The following ADAM12 variants were observed in gnomAD, a reference collection of about 807,000 sequenced individuals.
ADAM12 encodes ADAM metallopeptidase domain 12, also known as disintegrin and metalloproteinase domain-containing protein 12.
ADAM12 carries 70 observed loss-of-function variants against 106.4 expected under a neutral mutation model. The observed-to-expected ratio is 0.66, with a 90% CI of 0.54 to 0.80. The LOEUF (loss-of-function observed/expected upper bound fraction) is 0.80. ADAM12 is among the 30% of genes least tolerant of loss of function. ADAM12 has a pLI of 0.00. For missense variants in ADAM12, 1,010 were observed against 1,171.9 expected, an observed-to-expected ratio of 0.86 and a Z score of 2.02; for synonymous variants, 420 against 433.5, an observed-to-expected ratio of 0.97 and a Z score of 0.39.
intron 3 of ADAM12, among the ~76,000 whole-genome samples, chr10:126,238,243 G>A (rs140476916): frequency 6.6e-6 from 1 of 152,340 alleles, no homozygotes; most frequent in East Asian, 1.9e-4. Flanking sequence ...ACATTGTGAG[G>A]CCAAGGCAGG....
At chr10:126,083,524 G>C (rs1955273426) in intron 11 of ADAM12, among the ~76,000 whole-genome samples, 1 of 152,122 alleles carries the variant, frequency 6.6e-6, no homozygotes, top group Non-Finnish European at 1.5e-5. Flanking sequence ...GACGTAAACA[G>C]AAGGAACACC....
chr10:126,367,324 T>C (rs899458093), intron 1 of ADAM12, among the ~76,000 whole-genome samples: 2 of 151,926 alleles, frequency 1.3e-5, no homozygotes, highest in African/African-American at 2.4e-5. Flanking sequence ...CCACGAGTCA[T>C]AGAAAAAAAT....
chr10:126,199,305 T>C (rs1957654151), intron 3 of ADAM12, among the ~76,000 whole-genome samples: 1 of 152,154 alleles, frequency 6.6e-6, no homozygotes, highest in Non-Finnish European at 1.5e-5. Context: ...CTAATCACCA[T>C]CGAGATCAGC....
In ADAM12 at chr10:126,064,757, C is replaced by T; in HGVS notation, c.1609+49G>A. ...AGCACATGCCCCCAGTCCCACAGCC[C>T]AGGTCTGCCAGTGCCTCTCCTGATG... On this transcript the variant is annotated intron_variant, in intron 14 of 22. Transcript: ENST00000448723. The surrounding 1 kb of genome is among the most constrained non-coding windows in gnomAD (Gnocchi z 4.4). 1.3e-6 allele frequency: 2 copies of T among 1,538,104 alleles called. No homozygotes were observed. The highest frequency in any genetic ancestry group is 8.8e-7 in the Non-Finnish European group (1 of 1,141,736).
At chr10:126,161,259 C>T (rs1345729042) in intron 3 of ADAM12, among the ~76,000 whole-genome samples, 1 of 152,178 alleles carries the variant, frequency 6.6e-6, no homozygotes, top group Non-Finnish European at 1.5e-5. Context: ...AGGTACTGTG[C>T]TGAGCCCCTG....
chr10:126,222,565 G>A (rs374807200), intron 3 of ADAM12, among the ~76,000 whole-genome samples: 4 of 151,272 alleles, frequency 2.6e-5, no homozygotes, highest in African/African-American at 7.3e-5. Context: ...AACCGAGCAC[G>A]CCAGCTGGTA....
intron 2 of ADAM12, among the ~76,000 whole-genome samples, chr10:126,282,088 A>G (rs1246208623): frequency 2.6e-5 from 4 of 152,194 alleles, no homozygotes; most frequent in African/African-American, 9.7e-5. Flanking sequence ...TTGGAGCTAG[A>G]TGTCCAAGAT....
chr10:126,329,732 A>G (rs1466214657), intron 2 of ADAM12, among the ~76,000 whole-genome samples: 2 of 152,232 alleles, frequency 1.3e-5, no homozygotes, highest in Non-Finnish European at 2.9e-5. Context: ...TCTTCAAAAA[A>G]TCTGCTATTA....
intron 2 of ADAM12, among the ~76,000 whole-genome samples, chr10:126,279,962 G>C (rs1273202704): frequency 6.6e-6 from 1 of 152,182 alleles, no homozygotes; most frequent in Non-Finnish European, 1.5e-5. Context: ...TACTAGGCTT[G>C]TATGAACGCA....
chr10:126,140,578 A>G (rs528800497), intron 4 of ADAM12, among the ~76,000 whole-genome samples: 2 of 152,348 alleles, frequency 1.3e-5, no homozygotes, highest in East Asian at 1.9e-4. Flanking sequence ...CCACTTTTGT[A>G]TCACCTTCAG....
chr10:126,027,096 T>C (rs985244458), intron 21 of ADAM12, among the ~76,000 whole-genome samples: 19 of 152,046 alleles, frequency 1.2e-4, no homozygotes, highest in Admixed American at 1.2e-3. Context: ...GAAATACAAC[T>C]ATCAGAGAAT....
At chr10:126,155,822 C>T (rs1427071363) in intron 3 of ADAM12, among the ~76,000 whole-genome samples, 2 of 152,060 alleles carry the variant, frequency 1.3e-5, no homozygotes, top group Non-Finnish European at 2.9e-5. Flanking sequence ...TGAAATGTCA[C>T]AGAAGAGAAT....
rs748597768 is a variant in ADAM12 at position 126,135,576 on chromosome 10, C to A, written c.416+8G>T. 1 of 1,613,738 alleles carries A rather than the reference C, an allele frequency of 6.2e-7. No homozygotes were observed. The highest frequency in any genetic ancestry group is 8.5e-7 in the Non-Finnish European group (1 of 1,179,638). On this transcript the variant is annotated splice_region_variant and intron_variant, in intron 5 of 22. Transcript: ENST00000448723. Reference sequence around the variant, plus strand: ...AAGACTAGAGCCGCCATGGTCATGGCCACTTACCTGAGACCAGAACACGTG... The same window carrying A: ...AAGACTAGAGCCGCCATGGTCATGGACACTTACCTGAGACCAGAACACGTG...
chr10:126,062,108 C>T (rs1218982122), intron 14 of ADAM12, among the ~76,000 whole-genome samples: 1 of 152,154 alleles, frequency 6.6e-6, no homozygotes, highest in Non-Finnish European at 1.5e-5. Flanking sequence ...GAGGGGCGGG[C>T]AGGACAGACC....
At chr10:126,309,530 T>A (rs1960989935) in intron 2 of ADAM12, among the ~76,000 whole-genome samples, 1 of 152,208 alleles carries the variant, frequency 6.6e-6, no homozygotes, top group Admixed American at 6.5e-5. Context: ...TACTAATGGA[T>A]CATCATTCTC....
chr10:126,190,210 CT>C (rs1247675750), intron 3 of ADAM12, among the ~76,000 whole-genome samples: 11 of 140,366 alleles, frequency 7.8e-5, no homozygotes, highest in Admixed American at 2.1e-4. Context: ...TTTTTTTTTT[CT>C]TTTTTTTTTA....
chr10:126,026,966 C>G (rs1036375329), intron 21 of ADAM12, among the ~76,000 whole-genome samples: 2 of 151,588 alleles, frequency 1.3e-5, no homozygotes, highest in African/African-American at 2.4e-5. Context: ...TTCAACAAAT[C>G]AGTGAATCCA....
At chr10:126,317,268 G>C (rs537579107) in intron 2 of ADAM12, among the ~76,000 whole-genome samples, 1 of 152,296 alleles carries the variant, frequency 6.6e-6, no homozygotes, top group Admixed American at 6.5e-5. Flanking sequence ...GGCTCCCATG[G>C]AAACGGGAAA....
chr10:126,071,676 C>A, intron 11 of ADAM12, 22 bp from the exon 12 acceptor site: 3 of 1,612,154 alleles, frequency 1.9e-6, no homozygotes, highest in Non-Finnish European at 2.5e-6. Flanking sequence ...GAGCCCAGAA[C>A]AGTAAGTCAC....
Sources: gnomAD v4.1 joint callset for allele counts (sites outside exome capture counted in the v4.1 genomes callset) on GRCh38, gnomAD v4.1.1 for gene constraint, Gnocchi (gnomAD v3.1) non-coding constraint, MANE v1.5 for transcripts, NCBI Gene and HGNC (gene_info 2026-07-23, HGNC 2026-07-21) for gene names.